CA4: variants seen among roughly 807,000 people sequenced by gnomAD.
The protein encoded by CA4 is CA-IV.
CA4 carries 24 observed loss-of-function variants against 34.5 expected under a neutral mutation model. The observed-to-expected ratio is 0.70, with a 90% confidence interval of 0.50 to 0.98. CA4 has a LOEUF of 0.98. Among genes scored for constraint, CA4 ranks in the 50% least tolerant of loss-of-function variants. The probability of loss-of-function intolerance (pLI) is 0.00; values close to 1 mark genes in which losing one functional copy is unlikely to be tolerated. For synonymous variants in CA4, 178 were observed against 170.6 expected (o/e 1.04, Z -0.34); for missense variants, 394 against 396.7 (o/e 0.99, Z 0.06).
chr17:60,151,200 C>A (rs1399649192), intron 1 of CA4, among the ~76,000 whole-genome samples: 2 of 152,100 alleles, frequency 1.3e-5, no homozygotes, highest in African/African-American at 4.8e-5. Context: ...CCCAACCACC[C>A]CTCGGATGGT....
chr17:60,155,253 CTGTG>C (rs1167784864), intron 1 of CA4, 57 bp from the exon 2 acceptor site: 1 of 1,497,370 alleles, frequency 6.7e-7, no homozygotes, highest in Non-Finnish European at 9.2e-7. Flanking sequence ...TCTGATCCTC[CTGTG>C]TGTGTGAGCA....
chr17:60,168,766 G>A (rs763158762), intron 5 of CA4, among the ~76,000 whole-genome samples: 2 of 152,156 alleles, frequency 1.3e-5, no homozygotes, highest in African/African-American at 4.8e-5. Context: ...AGGACACCAC[G>A]TGGCAGCTGA....
In CA4 at chr17:60,155,594, CACA is replaced by C. The variant is rs1475981157; in HGVS notation, c.112+231_112+233del. Among the ~76,000 whole-genome samples, 7 of 150,204 alleles carry C rather than the reference CACA, an allele frequency of 4.7e-5. No homozygotes were observed. The East Asian group carries it at 1.4e-3, about 29-fold the overall frequency. ...ACACACACTCACACAGAAACACACACACAACACACACACAAGCACACACTCAAA... is the reference window on the plus strand; with the variant it reads ...ACACACACTCACACAGAAACACACACACACACACACAAGCACACACTCAAA... On this transcript the variant is annotated intron_variant, in intron 2 of 7. Coordinates refer to ENST00000300900, the MANE Select transcript of CA4 (RefSeq NM_000717.5).
chr17:60,155,348 C>T lies in CA4; in HGVS notation c.93C>T (p.Ser31=), dbSNP rs1347194606. The part of the protein sequence containing the change: ...SHWCYEVQAE[S]SNYPCLVPVK... ...GGTGCTACGAGGTTCAAGCCGAGTC[C>T]TCCAACTACCCCTGCTTGGGTGAGT... is the stretch of plus-strand genomic sequence containing the variant. Residue 31 remains serine (S), a synonymous_variant, in exon 2 of 8, where the codon TCC becomes TCT. Coordinates refer to ENST00000300900, the MANE Select transcript of CA4 (RefSeq NM_000717.5). 23 of 1,610,948 alleles carry T rather than the reference C, an allele frequency of 1.4e-5. No individual in the cohort carries two copies. Among genetic ancestry groups the T allele is most frequent in the Non-Finnish European group, 1.9e-5 (22 of 1,178,694 alleles).
At chr17:60,162,823 C>A (rs2083807989), downstream of CA4, among the ~76,000 whole-genome samples, 1 of 152,150 alleles carries the variant, frequency 6.6e-6, no homozygotes, top group Non-Finnish European at 1.5e-5. Flanking sequence ...AGGGACGGGG[C>A]ACTTGTCAGA....
Position 60,158,079 on chromosome 17 carries a change from G to C in CA4, c.532G>C (p.Glu178Gln), listed in dbSNP as rs1443641252. 3 of 1,613,912 alleles carry C rather than the reference G, an allele frequency of 1.9e-6. No individual in the cohort carries two copies. Among genetic ancestry groups the C allele is most frequent in the Middle Eastern group, 1.6e-4 (1 of 6,062 alleles). Residue 178 changes from glutamate to glutamine, a missense_variant, in exon 6 of 8, where the codon GAG becomes CAG. Physicochemically the swap from Glu to Gln is conservative, Grantham distance 29. Transcript: ENST00000300900. The stretch of plus-strand genomic sequence containing the variant: ...TTTCCAGGCTGGAACCCAGGTGAAC[G>C]AGGGCTTCCAGCCACTGGTGGAGGC... The part of the protein sequence containing the change: ...FLVEAGTQVN[E>Q]GFQPLVEALS...
chr17:60,160,247 ATG>A (rs1362110588), downstream of CA4, among the ~76,000 whole-genome samples: 4 of 152,198 alleles, frequency 2.6e-5, no homozygotes, highest in African/African-American at 7.2e-5. Context: ...AAAGGGTGTC[ATG>A]TGTGGGGATG....
rs1336944426 is a variant in CA4 at position 60,158,362 on chromosome 17, C to T, written c.660C>T (p.Tyr220=). The T allele has an allele frequency of 1.9e-6, 3 of 1,614,068 alleles. No homozygotes were observed. The highest frequency in any genetic ancestry group is 1.3e-5 in the African/African-American group (1 of 74,926). Residue 220 remains tyrosine (Y), a synonymous_variant, in exon 7 of 8, where the codon TAC becomes TAT. Transcript: ENST00000300900. ...KEEKLRHYFR[Y]LGSLTTPTCD... ...AGAAACTGAGGCACTACTTCCGCTA[C>T]CTGGGCTCACTCACCACACCGACCT... is the stretch of plus-strand genomic sequence containing the variant.
intron 2 of CA4, 32 bp downstream of exon 2, chr17:60,155,399 T>C: frequency 6.4e-7 from 1 of 1,574,008 alleles, no homozygotes; most frequent in Non-Finnish European, 8.7e-7. Context: ...GACTGCTCTT[T>C]GTGCATGGTG....
chr17:60,161,150 C>T (rs920416716), downstream of CA4, among the ~76,000 whole-genome samples: 1 of 151,944 alleles, frequency 6.6e-6, no homozygotes, highest in Non-Finnish European at 1.5e-5. Flanking sequence ...AAGTCCCCAC[C>T]ACCACGGTGA....
In CA4 at chr17:60,158,107, T is replaced by C. The variant is rs2083726122; in HGVS notation, c.560T>C (p.Leu187Pro). The change falls in exon 6 of 8, where the codon CTG becomes CCG. Residue 187 changes from leucine to proline, a missense_variant. Transcript: ENST00000300900. ...NEGFQPLVEA[L>P]SNIPKPEMST... is the part of the protein sequence containing the mutation. ...GGCTTCCAGCCACTGGTGGAGGCACTGTCTAATATCCCCAAACCTGGTGAG... is the reference window on the plus strand; with the variant it reads ...GGCTTCCAGCCACTGGTGGAGGCACCGTCTAATATCCCCAAACCTGGTGAG... 6.2e-7 allele frequency: 1 copy of C among 1,613,560 alleles called. No homozygotes were observed. Among genetic ancestry groups the C allele is most frequent in the African/African-American group, 1.3e-5 (1 of 74,762 alleles).
At chr17:60,159,184 T>C (rs745912445) in intron 7 of CA4, 46 bp from the exon 8 acceptor site, 7 of 1,515,704 alleles carry the variant, frequency 4.6e-6, no homozygotes, top group Non-Finnish European at 6.3e-6. Flanking sequence ...CGGCAGGGAG[T>C]GCAGCTCCCC....
intron 1 of CA4, 128 bp from the exon 2 acceptor site, chr17:60,155,186 C>A: frequency 1.2e-6 from 1 of 805,994 alleles, no homozygotes; most frequent in Non-Finnish European, 2.1e-6. Context: ...AATCCTGCTG[C>A]CAGGAACACT....
the CA4 span, among the ~76,000 whole-genome samples, chr17:60,176,801 G>C: frequency 1.4e-4 from 22 of 152,134 alleles, no homozygotes; most frequent in Admixed American, 7.9e-4. Flanking sequence ...GATGGGGGGA[G>C]TGGTTTCAGG....
chr17:60,157,275 G>C lies in CA4; in HGVS notation c.269-152G>C, dbSNP rs2083704675. On this transcript the variant is annotated intron_variant, in intron 3 of 7. Transcript: ENST00000300900. Reference sequence around the variant, plus strand: ...GAAAGGTCCGGGGCTGTCCCACCCTGTCCCACCCCGCGCCACCCCTGCAGG... The same window carrying C: ...GAAAGGTCCGGGGCTGTCCCACCCTCTCCCACCCCGCGCCACCCCTGCAGG... The C allele has an allele frequency of 1.0e-5, 7 of 682,548 alleles. No homozygotes were observed. The South Asian group carries it at 1.0e-4, about 10-fold the overall frequency. The allele number at this position is 682,548 out of a possible 1,614,324, so 42.3% of individuals were successfully genotyped here.
rs754082624 is a variant in CA4 at position 60,157,507 on chromosome 17, C to G, written c.349C>G (p.His117Asp). The G allele has an allele frequency of 6.2e-7, 1 of 1,614,200 alleles. No individual in the cohort carries two copies. Residue 117 changes from histidine to aspartate, a missense_variant, in exon 4 of 8, where the codon CAC becomes GAC. By Grantham distance (81) the His-to-Asp change is moderately conservative. Transcript: ENST00000300900. ...APYQAKQLHL[H>D]WSDLPYKGSE... is the part of the protein sequence containing the mutation. ...ATACCAGGCCAAACAGTTGCACCTGCACTGGTCCGACTTGCCATATAAGGG... is the reference window on the plus strand; with the variant it reads ...ATACCAGGCCAAACAGTTGCACCTGGACTGGTCCGACTTGCCATATAAGGG...
chr17:60,161,838 G>C (rs2083793670), downstream of CA4, among the ~76,000 whole-genome samples: 1 of 152,106 alleles, frequency 6.6e-6, no homozygotes, highest in Non-Finnish European at 1.5e-5. Flanking sequence ...CCTGTTCTTT[G>C]GTTCCCACAC....
rs3830362 is a variant in CA4 at position 60,155,498 on chromosome 17, T to TACACACAC, written c.112+150_112+157dup. 2.2e-4 allele frequency: 125 copies of TACACACAC among 570,600 alleles called. No homozygotes were observed. In the African/African-American group the frequency reaches 2.8e-3, roughly 13 times the overall value. 35.3% of individuals were successfully genotyped at this position (570,600 alleles called of 1,614,324 possible). ...CCCAGGCAGATATCAGTTCCCAGCA[T>TACACACAC]ACACACACACACACACACACACACA... On this transcript the variant is annotated intron_variant, in intron 2 of 7. Transcript: ENST00000300900.
Position 60,158,305 on chromosome 17 carries a change from G to GAGCA in CA4, c.604_607dup (p.Ser203LysfsTer30), listed in dbSNP as rs1567731947. 6 of 1,614,062 alleles carry GAGCA rather than the reference G, an allele frequency of 3.7e-6. No homozygotes were observed. Among genetic ancestry groups the GAGCA allele is most frequent in the Non-Finnish European group, 4.2e-6 (5 of 1,180,042 alleles). On this transcript the variant is annotated frameshift_variant, in exon 7 of 8. Transcript: ENST00000300900. LOFTEE classifies it high-confidence loss of function. ...CAGAGATGAGCACTACGATGGCAGA[G>GAGCA]AGCAGCCTGTTGGACCTGCTCCCCA...
Sources: gnomAD v4.1 joint callset for allele counts (sites outside exome capture counted in the v4.1 genomes callset) on GRCh38, gnomAD v4.1.1 for gene constraint, MANE v1.5 for transcripts, NCBI Gene and HGNC (gene_info 2026-07-23, HGNC 2026-07-21) for gene names.